Variants in ATP11B observed in about 807,000 individuals in gnomAD.
The protein encoded by ATP11B is phospholipid-transporting ATPase IF.
A neutral mutation model predicts 157.8 loss-of-function variants in ATP11B; 81 were observed. The observed-to-expected ratio is 0.51, with a 90% CI of 0.43 to 0.62. ATP11B has a LOEUF of 0.62. ATP11B is among the 20% of genes least tolerant of loss of function. ATP11B has a pLI of 0.00. For missense variants in ATP11B, 1,165 were observed against 1,402.2 expected (o/e 0.83, Z 2.70); for synonymous variants, 451 against 469.4 (o/e 0.96, Z 0.51).
intron 12 of ATP11B, among the ~76,000 whole-genome samples, chr3:182,860,573 A>G (rs1720755185): frequency 6.6e-6 from 1 of 152,070 alleles, no homozygotes; most frequent in South Asian, 2.1e-4. Context: ...TTCTTGTACT[A>G]TTGTTTTGAT....
intron 25 of ATP11B, among the ~76,000 whole-genome samples, chr3:182,892,409 G>A (rs1453067782): frequency 6.6e-6 from 1 of 152,080 alleles, no homozygotes; most frequent in Non-Finnish European, 1.5e-5. Flanking sequence ...AACAATTGAG[G>A]GCCTAGAGCA....
intron 8 of ATP11B, chr3:182,844,358 G>T (rs939586270): frequency 1.3e-5 from 2 of 157,104 alleles, no homozygotes. Context: ...GGGTTTGCAG[G>T]TGTCTTCATA....
intron 10 of ATP11B, 128 bp downstream of exon 10, chr3:182,848,685 T>C (rs1719731684): frequency 2.9e-6 from 1 of 349,720 alleles, no homozygotes; most frequent in African/African-American, 2.2e-5. Flanking sequence ...ACAGTGATAG[T>C]TTCTTATATT....
At chr3:182,819,994 A>G (rs1348818614) in intron 1 of ATP11B, among the ~76,000 whole-genome samples, 1 of 152,146 alleles carries the variant, frequency 6.6e-6, no homozygotes, top group African/African-American at 2.4e-5. Flanking sequence ...TTACCTAGTT[A>G]AGTTTCTATC....
chr3:182,858,096 G>A (rs1002032140), intron 11 of ATP11B, 68 bp downstream of exon 11: 38 of 1,402,758 alleles, frequency 2.7e-5, no homozygotes, highest in Admixed American at 3.7e-5. Flanking sequence ...TGCTTTGGTA[G>A]TGACTTCTGA....
chr3:182,860,804 GT>G (rs1325007890), intron 12 of ATP11B, among the ~76,000 whole-genome samples: 1 of 151,968 alleles, frequency 6.6e-6, no homozygotes, highest in East Asian at 1.9e-4. Context: ...TCTCTGGATA[GT>G]TTTTTAAAAT....
chr3:182,818,417 G>A (rs1717100442), intron 1 of ATP11B, among the ~76,000 whole-genome samples: 1 of 152,178 alleles, frequency 6.6e-6, no homozygotes, highest in Non-Finnish European at 1.5e-5. Flanking sequence ...TAAAGAGACT[G>A]ATTTTTGAAA....
At chr3:182,905,076 T>A (rs918064491) in intron 28 of ATP11B, among the ~76,000 whole-genome samples, 1 of 152,158 alleles carries the variant, frequency 6.6e-6, no homozygotes, top group Admixed American at 6.5e-5. Context: ...AGTTTTTGTT[T>A]ATGTCAGAAA....
intron 15 of ATP11B, 115 bp from the exon 16 acceptor site, chr3:182,868,963 T>G: frequency 1.6e-6 from 1 of 624,994 alleles, no homozygotes; most frequent in Non-Finnish European, 2.7e-6. Context: ...AAAATGGTAT[T>G]AATTCTTGTT....
chr3:182,912,938 T>C (rs530712488), intron 28 of ATP11B, among the ~76,000 whole-genome samples: 2 of 152,302 alleles, frequency 1.3e-5, no homozygotes, highest in South Asian at 4.1e-4. Flanking sequence ...TTGAAAAATT[T>C]CGGAGCATCT....
intron 28 of ATP11B, among the ~76,000 whole-genome samples, chr3:182,904,552 TATC>T (rs1724195330): frequency 6.6e-6 from 1 of 152,248 alleles, no homozygotes; most frequent in African/African-American, 2.4e-5. Flanking sequence ...GGATATCAGA[TATC>T]TTTAAGAGCT....
At chr3:182,836,505 G>A (rs1264398990) in intron 6 of ATP11B, 35 bp downstream of exon 6, 2 of 1,612,678 alleles carry the variant, frequency 1.2e-6, no homozygotes. Context: ...TGCTCTTGGT[G>A]AACAAAGTGT....
intron 21 of ATP11B, among the ~76,000 whole-genome samples, chr3:182,883,202 A>G (rs371890456): frequency 1.3e-5 from 2 of 152,324 alleles, no homozygotes; most frequent in African/African-American, 4.8e-5. Flanking sequence ...CATTACAAGT[A>G]TACATTTGAA....
chr3:182,879,732 C>T, intron 20 of ATP11B, 83 bp downstream of exon 20: 1 of 1,289,156 alleles, frequency 7.8e-7, no homozygotes, highest in Non-Finnish European at 1.0e-6. Context: ...TACATAGTTC[C>T]ATTTGGTGAT....
intron 7 of ATP11B, among the ~76,000 whole-genome samples, chr3:182,838,908 G>C (rs1427901281): frequency 1.3e-5 from 2 of 151,934 alleles, no homozygotes; most frequent in African/African-American, 2.4e-5. Context: ...TTAAAGAATT[G>C]AATGATATAG....
In ATP11B at chr3:182,880,544, TAAG is replaced by T. The variant is rs1722350095; in HGVS notation, c.2407-332_2407-330del. Among the ~76,000 whole-genome samples, 4 of 152,284 alleles carry T rather than the reference TAAG, an allele frequency of 2.6e-5. No homozygotes were observed. In the East Asian group the frequency reaches 7.7e-4, roughly 29 times the overall value. ...CATATCAAATGAAAAAATAATTTCT[TAAG>T]AAAAAATTTTGCCTAACAGTTCAAT... On this transcript the variant is annotated intron_variant, in intron 20 of 29. Transcript: ENST00000323116.
intron 10 of ATP11B, among the ~76,000 whole-genome samples, chr3:182,852,286 T>A (rs1720039357): frequency 6.6e-6 from 1 of 152,214 alleles, no homozygotes; most frequent in African/African-American, 2.4e-5. Flanking sequence ...AGAGGGAAAT[T>A]TCTAGCTATA....
chr3:182,866,585 T>G, intron 14 of ATP11B, 142 bp downstream of exon 14: 1 of 675,108 alleles, frequency 1.5e-6, no homozygotes, highest in Non-Finnish European at 2.3e-6. Flanking sequence ...AAAATAGAAG[T>G]ACAATTTAAA....
chr3:182,881,498 C>T (rs1722424394), intron 21 of ATP11B, among the ~76,000 whole-genome samples: 1 of 150,876 alleles, frequency 6.6e-6, no homozygotes, highest in Non-Finnish European at 1.5e-5. Context: ...GCCACGATCG[C>T]GCCACTGCAC....
Sources: gnomAD v4.1 joint callset for allele counts (sites outside exome capture counted in the v4.1 genomes callset) on GRCh38, gnomAD v4.1.1 for gene constraint, MANE v1.5 for transcripts, NCBI Gene and HGNC (gene_info 2026-07-23, HGNC 2026-07-21) for gene names.